The following KCNJ3 variants were observed in gnomAD, a reference collection of about 807,000 sequenced individuals.
KCNJ3 encodes the protein potassium inwardly rectifying channel subfamily J member 3.
In KCNJ3, 4 loss-of-function variants were observed where a neutral mutation model predicts 39.2. The observed-to-expected ratio is 0.10, with a 90% CI of 0.05 to 0.23. The LOEUF (loss-of-function observed/expected upper bound fraction) is 0.23. Ranked by LOEUF, KCNJ3 falls within the 10% of genes least tolerant of loss-of-function variation. KCNJ3 has a pLI of 1.00. For missense variants in KCNJ3, 276 were observed against 634.9 expected (o/e 0.43, Z 6.08); for synonymous variants, 230 against 237.4 (o/e 0.97, Z 0.29).
chr2:154,771,805 G>A (rs1252222728), intron 2 of KCNJ3, among the ~76,000 whole-genome samples: 1 of 152,100 alleles, frequency 6.6e-6, no homozygotes, highest in Non-Finnish European at 1.5e-5. Flanking sequence ...CTTAGATTGG[G>A]GTCATGGGTT....
intron 2 of KCNJ3, among the ~76,000 whole-genome samples, chr2:154,789,484 T>A (rs907347132): frequency 1.8e-4 from 27 of 152,060 alleles, no homozygotes; most frequent in Admixed American, 1.7e-3. Flanking sequence ...ATTAACAGAT[T>A]GGTGTAGAAG....
intron 2 of KCNJ3, among the ~76,000 whole-genome samples, chr2:154,834,669 C>CAGTGAGCCG (rs149233422): frequency 0.27 from 40,544 of 151,384 alleles, 6,299 homozygotes; most frequent in Non-Finnish European, 0.35. Context: ...GCGGAGCTTA[C>CAGTGAGCCG]AGTGAGCCGA....
intron 2 of KCNJ3, among the ~76,000 whole-genome samples, chr2:154,765,989 A>T (rs1686126967): frequency 6.6e-6 from 1 of 152,204 alleles, no homozygotes; most frequent in Non-Finnish European, 1.5e-5. Context: ...AGTTGCACAC[A>T]CGCCATTAGT....
chr2:154,752,943 A>G lies in KCNJ3; in HGVS notation c.919+43124A>G, dbSNP rs577333230. On this transcript the variant is annotated intron_variant, in intron 2 of 2. Transcript: ENST00000295101. The stretch of plus-strand genomic sequence containing the variant: ...ATTATGTCTAAAACATTAAAAATAT[A>G]TAACCAATCAGTATGTGACACTGTT... Among the ~76,000 whole-genome samples, 10 of 152,204 alleles carry G rather than the reference A, an allele frequency of 6.6e-5. No homozygotes were observed. The South Asian group carries it at 2.1e-3, about 31-fold the overall frequency.
chr2:154,781,479 G>C (rs2105203618), intron 2 of KCNJ3, among the ~76,000 whole-genome samples: 1 of 152,174 alleles, frequency 6.6e-6, no homozygotes, highest in Admixed American at 6.5e-5. Context: ...TTGCTGGTAG[G>C]AAAAATATAT....
chr2:154,699,276 C>T lies in KCNJ3; in HGVS notation c.501C>T (p.Ile167=), dbSNP rs1684843679. The change falls in exon 1 of 3, where the codon ATC becomes ATT. Residue 167 remains isoleucine, a synonymous_variant. Coordinates refer to ENST00000295101, the MANE Select transcript of KCNJ3 (RefSeq NM_002239.4). The surrounding 1 kb of genome is among the most constrained non-coding windows in gnomAD (Gnocchi z 6.4). ...TCATCCTCTTCCTCTTCCAGTCCAT[C>T]CTGGGCTCCATCGTGGACGCCTTCC... is the stretch of plus-strand genomic sequence containing the variant. ...EGIILFLFQS[I]LGSIVDAFLI... The T allele has an allele frequency of 1.2e-6, 2 of 1,613,974 alleles. No homozygotes were observed. Among genetic ancestry groups the T allele is most frequent in the Non-Finnish European group, 8.5e-7 (1 of 1,180,050 alleles).
intron 2 of KCNJ3, among the ~76,000 whole-genome samples, chr2:154,769,065 T>A (rs893829465): frequency 1.1e-4 from 17 of 152,208 alleles, no homozygotes; most frequent in Non-Finnish European, 2.1e-4. Context: ...GAAGTTGCTT[T>A]TCAGCTTAAG....
At chr2:154,717,751 C>T (rs1159009691) in intron 2 of KCNJ3, among the ~76,000 whole-genome samples, 1 of 152,128 alleles carries the variant, frequency 6.6e-6, no homozygotes, top group African/African-American at 2.4e-5. Context: ...AAAGTAGAAG[C>T]TCCACTTGTG....
At chr2:154,776,092 C>T (rs1346302740) in intron 2 of KCNJ3, among the ~76,000 whole-genome samples, 3 of 151,518 alleles carry the variant, frequency 2.0e-5, no homozygotes, top group Non-Finnish European at 4.4e-5. Context: ...ACCCCCGCCT[C>T]CTGGGTTCAA....
chr2:154,817,840 C>A (rs1159262862), intron 2 of KCNJ3, among the ~76,000 whole-genome samples: 1 of 152,088 alleles, frequency 6.6e-6, no homozygotes, highest in East Asian at 1.9e-4. Flanking sequence ...TCCATTAGTT[C>A]CTGTACCTTG....
At chr2:154,752,574 T>C (rs1178988912) in intron 2 of KCNJ3, among the ~76,000 whole-genome samples, 1 of 152,044 alleles carries the variant, frequency 6.6e-6, no homozygotes, top group Non-Finnish European at 1.5e-5. Context: ...AAACTTTCTA[T>C]GATGATCCCA....
intron 2 of KCNJ3, among the ~76,000 whole-genome samples, chr2:154,722,852 T>G (rs1374805857): frequency 8.5e-5 from 13 of 152,296 alleles, no homozygotes; most frequent in Admixed American, 6.5e-4. Flanking sequence ...TATCCACTTT[T>G]GGCTGGGGTA....
chr2:154,757,234 G>A (rs1685957069), intron 2 of KCNJ3, among the ~76,000 whole-genome samples: 1 of 152,026 alleles, frequency 6.6e-6, no homozygotes, highest in Non-Finnish European at 1.5e-5. Context: ...GGAAGGTGGG[G>A]TGGCTTTTTT....
intron 2 of KCNJ3, among the ~76,000 whole-genome samples, chr2:154,820,497 G>T (rs548120550): frequency 2.0e-5 from 3 of 152,148 alleles, no homozygotes; most frequent in Non-Finnish European, 4.4e-5. Context: ...TTTAGTGGTG[G>T]TTGGAGGTTG....
At chr2:154,729,548 GTTGTTC>G (rs1447560117) in intron 2 of KCNJ3, among the ~76,000 whole-genome samples, 1 of 152,064 alleles carries the variant, frequency 6.6e-6, no homozygotes, top group Non-Finnish European at 1.5e-5. Context: ...CCTTCTTGTT[GTTGTTC>G]TTGTTAAATA....
chr2:154,709,384 T>C (rs1685066297), intron 1 of KCNJ3: 2 of 561,080 alleles, frequency 3.6e-6, no homozygotes, highest in Non-Finnish European at 6.4e-6. Context: ...ATGGTAATTA[T>C]AGCAAGTTGT....
At chr2:154,761,062 C>CCT (rs1407123499) in intron 2 of KCNJ3, among the ~76,000 whole-genome samples, 1 of 133,938 alleles carries the variant, frequency 7.5e-6, no homozygotes, top group East Asian at 2.2e-4. Flanking sequence ...TTAATTTTTT[C>CCT]TTTTTTTTTT....
chr2:154,714,335 G>T (rs367672200), intron 2 of KCNJ3, among the ~76,000 whole-genome samples: 1 of 150,062 alleles, frequency 6.7e-6, no homozygotes, highest in Non-Finnish European at 1.5e-5. Context: ...CATTTTCCCC[G>T]CTTTCTCTCT....
intron 2 of KCNJ3, among the ~76,000 whole-genome samples, chr2:154,717,988 T>C (rs1402738265): frequency 6.6e-6 from 1 of 152,222 alleles, no homozygotes; most frequent in African/African-American, 2.4e-5. Context: ...TCACTCTTGT[T>C]ATAGCCATAT....
Sources: gnomAD v4.1 joint callset for allele counts (sites outside exome capture counted in the v4.1 genomes callset) on GRCh38, gnomAD v4.1.1 for gene constraint, Gnocchi (gnomAD v3.1) non-coding constraint, MANE v1.5 for transcripts, NCBI Gene and HGNC (gene_info 2026-07-23, HGNC 2026-07-21) for gene names.